The following ZCCHC17 variants were observed in gnomAD, a reference collection of about 807,000 sequenced individuals.
The protein encoded by ZCCHC17 is zinc finger CCHC domain-containing protein 17.
In ZCCHC17, 18 loss-of-function variants were observed where a neutral mutation model predicts 30.6. The ratio of observed to expected loss-of-function variants is 0.59; its 90% confidence interval spans 0.41 to 0.87. ZCCHC17 has a LOEUF of 0.87. ZCCHC17 is among the 40% of genes least tolerant of loss of function. ZCCHC17 has a pLI of 0.00. For synonymous variants in ZCCHC17, 88 were observed against 92.4 expected (o/e 0.95, Z 0.27); for missense variants, 263 against 284.2 (o/e 0.93, Z 0.54).
chr1:31,324,814 A>G (rs1638270337), intron 3 of ZCCHC17, among the ~76,000 whole-genome samples: 1 of 151,026 alleles, frequency 6.6e-6, no homozygotes. Context: ...GGACAACATG[A>G]TTGATGGTGA....
chr1:31,298,778 A>C lies in ZCCHC17; in HGVS notation c.-56+1703A>C, dbSNP rs751156854. Among the ~76,000 whole-genome samples the C allele has an allele frequency of 2.6e-5, 4 of 152,274 alleles. No homozygotes were observed. In the East Asian group the frequency reaches 7.7e-4, roughly 29 times the overall value. ...AAATACAGCTTTGTGCTCAGAAGAG[A>C]GATTTGTGTTGGGAATATAAAATTG... On this transcript the variant is annotated intron_variant, in intron 1 of 7. Coordinates refer to ENST00000344147, the MANE Select transcript of ZCCHC17 (RefSeq NM_016505.4).
At chr1:31,336,074 G>T (rs540212213) in intron 3 of ZCCHC17, among the ~76,000 whole-genome samples, 44 of 151,934 alleles carry the variant, frequency 2.9e-4, no homozygotes, top group African/African-American at 8.2e-4. Flanking sequence ...ATGTATGTAT[G>T]TATTTATTTA....
At chr1:31,359,696 A>T (rs1569942139) in intron 7 of ZCCHC17, among the ~76,000 whole-genome samples, 1 of 152,188 alleles carries the variant, frequency 6.6e-6, no homozygotes, top group East Asian at 1.9e-4. Context: ...CTAACAAGGG[A>T]TATGTGCTTT....
chr1:31,349,076 T>C, intron 7 of ZCCHC17, 102 bp downstream of exon 7: 1 of 1,364,638 alleles, frequency 7.3e-7, no homozygotes, highest in South Asian at 1.6e-5. Flanking sequence ...TCCCAGCTAC[T>C]TGGGAGGATA....
chr1:31,332,114 T>C (rs1026165218), intron 3 of ZCCHC17, among the ~76,000 whole-genome samples: 1 of 152,240 alleles, frequency 6.6e-6, no homozygotes, highest in Non-Finnish European at 1.5e-5. Flanking sequence ...CTTCCAGGTA[T>C]AAGGAAAGTA....
chr1:31,321,311 C>A (rs1247940658), intron 3 of ZCCHC17, among the ~76,000 whole-genome samples: 1 of 152,082 alleles, frequency 6.6e-6, no homozygotes, highest in East Asian at 1.9e-4. Context: ...CTCCTTCCTG[C>A]TGCCCTGTGA....
rs748165358 is a variant in ZCCHC17 at position 31,337,270 on chromosome 1, C to T, written c.220C>T (p.Arg74Ter). 14 of 1,613,556 alleles carry T rather than the reference C, an allele frequency of 8.7e-6. No individual in the cohort carries two copies. The highest frequency in any genetic ancestry group is 6.7e-5 in the East Asian group (3 of 44,874). The change falls in exon 4 of 8, where the codon CGA becomes TGA. Residue 74 changes from arginine (R) to a stop codon, truncating the protein, a stop_gained. Coordinates refer to ENST00000344147, the MANE Select transcript of ZCCHC17 (RefSeq NM_016505.4). LOFTEE classifies it high-confidence loss of function. ...TAAAGTGTGGGTGAAGCTTATTGGCCGAGAGGTAAAGTTCTGTGCGGCTCC... is the reference window on the plus strand; with the variant it reads ...TAAAGTGTGGGTGAAGCTTATTGGCTGAGAGGTAAAGTTCTGTGCGGCTCC... ...GDKVWVKLIG[R>*]EMKNDRIKVS...
intron 1 of ZCCHC17, 183 bp downstream of exon 1, chr1:31,297,258 T>G (rs1278544584): frequency 1.3e-5 from 5 of 398,578 alleles, no homozygotes; most frequent in Non-Finnish European, 2.2e-5. Flanking sequence ...AGCGGAGCCT[T>G]GGGGTCTCTG....
At chr1:31,309,928 G>C (rs1646557696) in intron 1 of ZCCHC17, 116 bp from the exon 2 acceptor site, 3 of 535,292 alleles carry the variant, frequency 5.6e-6, no homozygotes, top group East Asian at 3.1e-5. Context: ...TTGGATAAAA[G>C]TGTATGGTGT....
chr1:31,353,290 G>T (rs2148475108), intron 7 of ZCCHC17, among the ~76,000 whole-genome samples: 1 of 152,128 alleles, frequency 6.6e-6, no homozygotes, highest in East Asian at 1.9e-4. Flanking sequence ...TCAGATATAT[G>T]GTTTGCAAAT....
intron 2 of ZCCHC17, 35 bp downstream of exon 2, chr1:31,310,199 A>G (rs750012048): frequency 1.1e-5 from 18 of 1,606,234 alleles, no homozygotes; most frequent in Non-Finnish European, 1.4e-5. Context: ...CCCACCATTT[A>G]TGTTAAAATA....
At chr1:31,336,946 T>C (rs1226479254) in intron 3 of ZCCHC17, among the ~76,000 whole-genome samples, 1 of 152,116 alleles carries the variant, frequency 6.6e-6, no homozygotes, top group Non-Finnish European at 1.5e-5. Context: ...AGTTCTGGGA[T>C]TACAGGCATG....
chr1:31,346,791 C>T (rs1184671658), intron 6 of ZCCHC17, 51 bp downstream of exon 6: 1 of 1,611,060 alleles, frequency 6.2e-7, no homozygotes. Flanking sequence ...TGGATGGACC[C>T]TTTTCTGGAA....
chr1:31,364,010 A>T (rs776769031), intron 7 of ZCCHC17, 22 bp from the exon 8 acceptor site: 37 of 1,606,778 alleles, frequency 2.3e-5, no homozygotes, highest in Middle Eastern at 1.7e-4. Flanking sequence ...TACAGTGTTG[A>T]TTTTTAAAAT....
At chr1:31,335,635 G>A (rs1302822432) in intron 3 of ZCCHC17, among the ~76,000 whole-genome samples, 2 of 152,028 alleles carry the variant, frequency 1.3e-5, no homozygotes, top group African/African-American at 4.8e-5. Context: ...AAAGTGCTGG[G>A]ATTACAGGCC....
At position 31,307,918 on chromosome 1, in the gene ZCCHC17, T is replaced by C. The variant is rs116643129; in HGVS notation, c.-55-2126T>C. On this transcript the variant is annotated intron_variant, in intron 1 of 7. Transcript: ENST00000344147. The stretch of plus-strand genomic sequence containing the variant: ...AGTAACAGATGATAGATTAAGATGT[T>C]TGAAGTTAATTTAGATGTTTCAGCT... Among the ~76,000 whole-genome samples, 776 of 152,232 alleles carry C rather than the reference T, an allele frequency of 5.1e-3. 5 individuals carry two copies. The highest frequency in any genetic ancestry group is 0.018 in the African/African-American group (746 of 41,546).
rs150285189 is a variant in ZCCHC17 at position 31,301,842 on chromosome 1, C to T, written c.-56+4767C>T. ...TTTGGCTATTTTCTCAACAGGTCCA[C>T]GACTGGAATTTGAAAGCAAGAAGCA... On this transcript the variant is annotated intron_variant, in intron 1 of 7. Transcript: ENST00000344147. Among the ~76,000 whole-genome samples the T allele has an allele frequency of 3.0e-3, 458 of 152,198 alleles. 1 individual carries two copies. Among genetic ancestry groups the T allele is most frequent in the African/African-American group, 0.011 (443 of 41,526 alleles).
chr1:31,339,396 C>G (rs1345053656), intron 5 of ZCCHC17, among the ~76,000 whole-genome samples: 1 of 152,110 alleles, frequency 6.6e-6, no homozygotes, highest in East Asian at 1.9e-4. Context: ...CCCAGCTACT[C>G]GGGAGACTGA....
At chr1:31,344,881 G>A (rs1391433072) in intron 5 of ZCCHC17, among the ~76,000 whole-genome samples, 3 of 152,022 alleles carry the variant, frequency 2.0e-5, no homozygotes, top group South Asian at 4.1e-4. Flanking sequence ...TTGTTTTGGA[G>A]ACAGGGTCTT....
Sources: allele counts gnomAD v4.1 joint callset (sites outside exome capture counted in the v4.1 genomes callset), GRCh38; gene constraint gnomAD v4.1.1; transcripts MANE v1.5; gene names NCBI Gene and HGNC (gene_info 2026-07-23, HGNC 2026-07-21).